Variants in ZBTB14 observed in about 807,000 individuals in gnomAD.
ZBTB14 encodes zinc finger and BTB domain containing 14, also known as zinc finger and BTB domain-containing protein 14.
A neutral mutation model predicts 29.5 loss-of-function variants in ZBTB14; 8 were observed. The observed-to-expected ratio is 0.27, with a 90% CI of 0.16 to 0.49. The LOEUF (loss-of-function observed/expected upper bound fraction) is 0.49. Ranked by LOEUF, ZBTB14 falls within the 20% of genes least tolerant of loss-of-function variation. The probability of loss-of-function intolerance (pLI) is 0.99; values close to 1 mark genes in which losing one functional copy is unlikely to be tolerated. For missense variants in ZBTB14, 333 were observed against 563.8 expected (o/e 0.59, Z 4.15); for synonymous variants, 226 against 207.2 (o/e 1.09, Z -0.78).
chr18:5,295,792 C>T (rs926822107), upstream of ZBTB14: 1 of 152,278 alleles, frequency 6.6e-6, no homozygotes, highest in African/African-American at 2.4e-5. Context: ...CAGCCCCTTC[C>T]GCACCCTGGC....
In ZBTB14 at chr18:5,290,552, C is replaced by G. The variant is rs1480071311; in HGVS notation, c.*306G>C. ...GTGTAAAGGAACTAAAAATGGAAGT[C>G]TCTCACTTCTAAACTGGACACAGGA... is the stretch of plus-strand genomic sequence containing the variant. On this transcript the variant is annotated 3_prime_UTR_variant, in exon 4 of 4. Transcript: ENST00000651870. The G allele has an allele frequency of 9.8e-6, 3 of 307,028 alleles. No individual in the cohort carries two copies. The highest frequency in any genetic ancestry group is 1.3e-4 in the East Asian group (2 of 15,896). The allele number at this position is 307,028 out of a possible 1,614,324, so 19.0% of individuals were successfully genotyped here.
upstream of ZBTB14, among the ~76,000 whole-genome samples, chr18:5,296,527 G>C (rs921662585): frequency 6.6e-6 from 1 of 151,652 alleles, no homozygotes; most frequent in Non-Finnish European, 1.5e-5. Context: ...CCGCGTCTCG[G>C]AGCGGGCGCC....
In ZBTB14 at chr18:5,290,641, C is replaced by A; in HGVS notation, c.*217G>T. The A allele has an allele frequency of 3.4e-6, 2 of 581,990 alleles. No homozygotes were observed. Among genetic ancestry groups the A allele is most frequent in the Non-Finnish European group, 5.7e-6 (2 of 353,326 alleles). 36.1% of individuals were successfully genotyped at this position (581,990 alleles called of 1,614,324 possible). A position where few individuals can be genotyped will look rare whatever the true frequency, so the allele number is the denominator to read the frequency against. ...AGGTGCTTACTGGGCAACATTAATA[C>A]TAGACACCAGACAAGACAGTGAAAC... On this transcript the variant is annotated 3_prime_UTR_variant, in exon 4 of 4. Coordinates refer to ENST00000651870, the MANE Select transcript of ZBTB14 (RefSeq NM_001243702.2).
rs769064199 is a variant in ZBTB14, at chr18:5,291,721, C to T, written c.487G>A (p.Val163Ile). 5.6e-6 allele frequency: 9 copies of T among 1,614,134 alleles called. No individual in the cohort carries two copies. Among genetic ancestry groups the T allele is most frequent in the South Asian group, 5.5e-5 (5 of 91,076 alleles). ...GDAADTQDDD[V>I]EEIGDQDDSP... ...TCATCCTGATCCCCGATTTCCTCTA[C>T]ATCATCATCCTGGGTGTCAGCAGCA... Residue 163 changes from valine (V) to isoleucine (I), a missense_variant, in exon 4 of 4, where the codon GTA becomes ATA. This residue lies in a region of ZBTB14 where 126 missense variants were observed against 132.2 expected (regional missense o/e 0.95). Coordinates refer to ENST00000651870, the MANE Select transcript of ZBTB14 (RefSeq NM_001243702.2). This position sits in a 1 kb window ranked among gnomAD's most constrained non-coding sequence, Gnocchi z 5.8.
In ZBTB14 at chr18:5,290,760, T is replaced by A. The variant is rs781436863; in HGVS notation, c.*98A>T. On this transcript the variant is annotated 3_prime_UTR_variant, in exon 4 of 4. Transcript: ENST00000651870. ...TAAGTCCAGTGAGTACAATGTTCCA[T>A]ACGTTTCCACAAAAATATTGTAACT... The A allele has an allele frequency of 1.5e-4, 226 of 1,520,222 alleles. No individual in the cohort carries two copies. Among genetic ancestry groups the A allele is most frequent in the Non-Finnish European group, 2.0e-4 (221 of 1,131,544 alleles). The allele number at this position is 1,520,222 out of a possible 1,614,324, so 94.2% of individuals were successfully genotyped here. A position where few individuals can be genotyped will look rare whatever the true frequency, so the allele number is the denominator to read the frequency against.
chr18:5,290,603 A>G lies in ZBTB14; in HGVS notation c.*255T>C, dbSNP rs576242292. 8.7e-5 allele frequency: 31 copies of G among 358,146 alleles called. No homozygotes were observed. In the African/African-American group the frequency reaches 1.1e-3, roughly 12 times the overall value. The allele number at this position is 358,146 out of a possible 1,614,324, so 22.2% of individuals were successfully genotyped here. ...GTTCTCAAATTAAAATAATAAAAAA[A>G]AAAAAGGGAGAGAGGTGCTTACTGG... On this transcript the variant is annotated 3_prime_UTR_variant, in exon 4 of 4. Transcript: ENST00000651870.
rs1396701582 is a variant in ZBTB14, at chr18:5,291,446, T to G, written c.762A>C (p.Pro254=). The G allele has an allele frequency of 5.6e-6, 9 of 1,614,112 alleles. No individual in the cohort carries two copies. The highest frequency in any genetic ancestry group is 6.8e-6 in the Non-Finnish European group (8 of 1,180,050). ...TGTCACTGGCGGCTGTTGTCCAGCCTGGTGTCTGTTCATCTTTCACTTCAC... is the reference window on the plus strand; with the variant it reads ...TGTCACTGGCGGCTGTTGTCCAGCCGGGTGTCTGTTCATCTTTCACTTCAC... The part of the protein sequence containing the change: ...GMSEVKDEQT[P]GWTTAASDMK... The change falls in exon 4 of 4, where the codon CCA becomes CCC. Residue 254 remains proline, a synonymous_variant. Transcript: ENST00000651870. The surrounding 1 kb of genome is among the most constrained non-coding windows in gnomAD (Gnocchi z 5.8).
upstream of ZBTB14, chr18:5,295,821 T>TGGCACA (rs1386855759): frequency 6.6e-6 from 1 of 151,082 alleles, no homozygotes. Flanking sequence ...ACCTGCAGCC[T>TGGCACA]GGCACAGGCA....
At position 5,291,029 on chromosome 18, in the gene ZBTB14, G is replaced by C; in HGVS notation, c.1179C>G (p.Ser393=). ...HRGEKPFVCG[S]CTKAFAKASD... is the part of the protein sequence containing the mutation. ...ATGCCTTGGCAAATGCCTTGGTGCA[G>C]GAGCCACACACAAAAGGCTTTTCCC... is the stretch of plus-strand genomic sequence containing the variant. Residue 393 remains serine (S), a synonymous_variant, in exon 4 of 4, where the codon TCC becomes TCG. Transcript: ENST00000651870. The surrounding 1 kb of genome is among the most constrained non-coding windows in gnomAD (Gnocchi z 5.8). 1 of 1,614,282 alleles carries C rather than the reference G, an allele frequency of 6.2e-7. No individual in the cohort carries two copies. The highest frequency in any genetic ancestry group is 1.7e-5 in the Admixed American group (1 of 60,032).
Position 5,290,338 on chromosome 18 carries a change from A to C in ZBTB14, c.*520T>G, listed in dbSNP as rs3197710. 0.026 allele frequency: 3,932 copies of C among 152,852 alleles called. 164 individuals are homozygous for C. Among genetic ancestry groups the C allele is most frequent in the African/African-American group, 0.09 (3,751 of 41,558 alleles). 9.5% of individuals were successfully genotyped at this position (152,852 alleles called of 1,614,324 possible). On this transcript the variant is annotated 3_prime_UTR_variant, in exon 4 of 4. Transcript: ENST00000651870. ...ACAAACCAAATATAAATCTAACGCCATTCTGCATTTCCAGAACTTTTTTTA... is the reference window on the plus strand; with the variant it reads ...ACAAACCAAATATAAATCTAACGCCCTTCTGCATTTCCAGAACTTTTTTTA...
chr18:5,292,318 A>G (rs899158625), intron 3 of ZBTB14, 114 bp from the exon 4 acceptor site: 4 of 899,516 alleles, frequency 4.4e-6, no homozygotes, highest in African/African-American at 3.4e-5. Flanking sequence ...CAGAAAGTCA[A>G]TGTTAAGAGT....
In ZBTB14 at chr18:5,290,764, T is replaced by C; in HGVS notation, c.*94A>G. 1 of 1,527,166 alleles carries C rather than the reference T, an allele frequency of 6.5e-7. No homozygotes were observed. The highest frequency in any genetic ancestry group is 8.8e-7 in the Non-Finnish European group (1 of 1,137,184). The allele number at this position is 1,527,166 out of a possible 1,614,324, so 94.6% of individuals were successfully genotyped here. A position where few individuals can be genotyped will look rare whatever the true frequency, so the allele number is the denominator to read the frequency against. ...TCCAGTGAGTACAATGTTCCATACG[T>C]TTCCACAAAAATATTGTAACTGGCA... On this transcript the variant is annotated 3_prime_UTR_variant, in exon 4 of 4. Transcript: ENST00000651870.
chr18:5,296,949 G>GCTGTGC (rs2071980518), upstream of ZBTB14: 1 of 152,010 alleles, frequency 6.6e-6, no homozygotes, highest in Non-Finnish European at 1.5e-5. Context: ...TGACGCGGCG[G>GCTGTGC]CTGTGCCTGT....
At chr18:5,292,278 T>G in intron 3 of ZBTB14, 74 bp from the exon 4 acceptor site, 1 of 1,221,906 alleles carries the variant, frequency 8.2e-7, no homozygotes, top group Non-Finnish European at 1.1e-6. Flanking sequence ...CATTTTCATT[T>G]CCTGGTCAAT....
In ZBTB14 at chr18:5,290,675, C is replaced by T; in HGVS notation, c.*183G>A. 1 of 878,762 alleles carries T rather than the reference C, an allele frequency of 1.1e-6. No homozygotes were observed. Among genetic ancestry groups the T allele is most frequent in the Non-Finnish European group, 1.7e-6 (1 of 597,294 alleles). The allele number at this position is 878,762 out of a possible 1,614,324, so 54.4% of individuals were successfully genotyped here. A position where few individuals can be genotyped will look rare whatever the true frequency, so the allele number is the denominator to read the frequency against. On this transcript the variant is annotated 3_prime_UTR_variant, in exon 4 of 4. Transcript: ENST00000651870. ...AGACAAGACAGTGAAACGGTTTGGT[C>T]AGAACTGAGGAACACCATTTCCTTG...
chr18:5,291,334 A>G lies in ZBTB14; in HGVS notation c.874T>C (p.Leu292=), dbSNP rs369177970. 9.3e-6 allele frequency: 15 copies of G among 1,614,088 alleles called. No individual in the cohort carries two copies. The highest frequency in any genetic ancestry group is 6.7e-5 in the African/African-American group (5 of 74,924). Residue 292 remains leucine, a synonymous_variant, in exon 4 of 4, where the codon TTG becomes CTG. Transcript: ENST00000651870. The surrounding 1 kb of genome is among the most constrained non-coding windows in gnomAD (Gnocchi z 5.8). ...CGKTFSDEGR[L]RKHEKLHTAD... ...GTGTGGAGTTTCTCATGCTTCCTCA[A>G]TCTGCCTTCATCAGAAAACGTCTTC...
rs1178749780 is a variant in ZBTB14 at position 5,289,682 on chromosome 18, G to A, written c.*1176C>T. 6.6e-6 allele frequency: 1 copy of A among 152,462 alleles called. No individual in the cohort carries two copies. The highest frequency in any genetic ancestry group is 2.4e-5 in the African/African-American group (1 of 41,446). 9.4% of individuals were successfully genotyped at this position (152,462 alleles called of 1,614,324 possible). A position where few individuals can be genotyped will look rare whatever the true frequency, so the allele number is the denominator to read the frequency against. On this transcript the variant is annotated 3_prime_UTR_variant, in exon 4 of 4. Transcript: ENST00000651870. ...TTTCGAAAACATAAACATTTGGTCTGACAATCTTTAATATTTGTTAAAAAC... is the reference window on the plus strand; with the variant it reads ...TTTCGAAAACATAAACATTTGGTCTAACAATCTTTAATATTTGTTAAAAAC...
chr18:5,295,274 C>G (rs2143270815), intron 1 of ZBTB14, among the ~76,000 whole-genome samples: 1 of 145,136 alleles, frequency 6.9e-6, no homozygotes, highest in South Asian at 2.1e-4. Flanking sequence ...CCCTCCCCCG[C>G]CCTCCCGCGG....
In ZBTB14 at chr18:5,291,734, G is replaced by A. The variant is rs759333646; in HGVS notation, c.474C>T (p.Thr158=). Residue 158 remains threonine (T), a synonymous_variant, in exon 4 of 4, where the codon ACC becomes ACT. Transcript: ENST00000651870. This position sits in a 1 kb window ranked among gnomAD's most constrained non-coding sequence, Gnocchi z 5.8. ...INRPIGDAAD[T]QDDDVEEIGD... is the part of the protein sequence containing the mutation. ...CGATTTCCTCTACATCATCATCCTG[G>A]GTGTCAGCAGCATCTCCAATGGGGC... 1.2e-6 allele frequency: 2 copies of A among 1,613,964 alleles called. No homozygotes were observed.
Sources: gnomAD v4.1 joint callset for allele counts (sites outside exome capture counted in the v4.1 genomes callset) on GRCh38, gnomAD v4.1.1 for gene constraint, gnomAD v4.1.1 regional missense constraint, Gnocchi (gnomAD v3.1) non-coding constraint, MANE v1.5 for transcripts, NCBI Gene and HGNC (gene_info 2026-07-23, HGNC 2026-07-21) for gene names.